The following AOX1 variants were observed in gnomAD, a reference collection of about 807,000 sequenced individuals.
The protein encoded by AOX1 is aldehyde oxidase 1, also known as aldehyde oxidase.
Under a neutral mutation model 169.5 loss-of-function variants are expected in AOX1, and 153 were observed. The ratio of observed to expected loss-of-function variants is 0.90; its 90% CI spans 0.79 to 1.03. AOX1 has a LOEUF of 1.03. Among genes scored for constraint, AOX1 ranks in the 50% least tolerant of loss-of-function variants. The pLI, the probability that AOX1 is intolerant of heterozygous loss-of-function variation, is 0.00. For missense variants in AOX1, 1,656 were observed against 1,663.9 expected, an observed-to-expected ratio of 1.00 and a Z score of 0.08; for synonymous variants, 562 against 581.9, an observed-to-expected ratio of 0.97 and a Z score of 0.49.
chr2:200,674,206 AGAG>A (rs2036064091), downstream of AOX1, among the ~76,000 whole-genome samples: 2 of 152,252 alleles, frequency 1.3e-5, no homozygotes, highest in African/African-American at 4.8e-5. Flanking sequence ...GGAAAAAGAC[AGAG>A]CTGGGTTCAC....
At chr2:200,672,063 A>G (rs1001087182), downstream of AOX1, among the ~76,000 whole-genome samples, 4 of 152,262 alleles carry the variant, frequency 2.6e-5, no homozygotes, top group Non-Finnish European at 5.9e-5. Flanking sequence ...TGCATATTAT[A>G]TGATTCCATC....
chr2:200,677,823 G>A (rs1176471649), downstream of AOX1, among the ~76,000 whole-genome samples: 4 of 152,086 alleles, frequency 2.6e-5, no homozygotes, highest in African/African-American at 7.2e-5. Context: ...TTTTAGCATC[G>A]TTGGCCAAGA....
chr2:200,623,906 G>A lies in AOX1; in HGVS notation c.2047G>A (p.Glu683Lys), dbSNP rs2034943855. The A allele has an allele frequency of 6.2e-7, 1 of 1,614,156 alleles. No individual in the cohort carries two copies. The highest frequency in any genetic ancestry group is 8.5e-7 in the Non-Finnish European group (1 of 1,179,998). ...QLVCAVLADS[E>K]VQAKRAAKRV... Reference sequence around the variant, plus strand: ...TGTCTGTGCTGTGCTTGCCGATTCTGAGGTTCAGGCAAAGCGAGCTGCTAA... The same window carrying A: ...TGTCTGTGCTGTGCTTGCCGATTCTAAGGTTCAGGCAAAGCGAGCTGCTAA... The change falls in exon 19 of 35, where the codon GAG becomes AAG. Residue 683 changes from glutamate (E) to lysine (K), a missense_variant. Physicochemically the swap from Glu to Lys is moderately conservative, Grantham distance 56 (BLOSUM62 1). Transcript: ENST00000374700.
chr2:200,654,204 C>G (rs978032253), intron 26 of AOX1, among the ~76,000 whole-genome samples: 1 of 83,910 alleles, frequency 1.2e-5, no homozygotes, highest in South Asian at 5.4e-4. Context: ...GAGACCCTGT[C>G]TCAAAAAAAA....
At chr2:200,634,728 C>A in intron 20 of AOX1, 63 bp from the exon 21 acceptor site, 1 of 1,598,682 alleles carries the variant, frequency 6.3e-7, no homozygotes, top group Non-Finnish European at 8.5e-7. Flanking sequence ...GGGATAATAC[C>A]TGGGGGACGC....
Position 200,642,726 on chromosome 2 carries a change from C to A in AOX1, c.2772C>A (p.Gly924=). Residue 924 remains glycine, a synonymous_variant, in exon 25 of 35, where the codon GGC becomes GGA. Transcript: ENST00000374700. ...LPSNTAFRGF[G]FPQAALITES... ...CCAACACAGCTTTTCGTGGGTTTGG[C>A]TTTCCTCAGGCAGCGCTGATCACCG... The A allele has an allele frequency of 1.9e-6, 3 of 1,614,146 alleles. No individual in the cohort carries two copies. The South Asian group carries it at 3.3e-5, about 18-fold the overall frequency.
chr2:200,634,331 C>A (rs1415093663), intron 20 of AOX1, among the ~76,000 whole-genome samples: 1 of 151,998 alleles, frequency 6.6e-6, no homozygotes, highest in Non-Finnish European at 1.5e-5. Context: ...CCTAGCTGGT[C>A]TGCCTTCTCT....
rs1273062026 is a variant in AOX1, at chr2:200,604,837, G to C, written c.811G>C (p.Val271Leu). 6.2e-7 allele frequency: 1 copy of C among 1,613,330 alleles called. No individual in the cohort carries two copies. Among genetic ancestry groups the C allele is most frequent in the African/African-American group, 1.3e-5 (1 of 75,012 alleles). The change falls in exon 9 of 35, where the codon GTG becomes CTG. Residue 271 changes from valine (V) to leucine (L), a missense_variant. Physicochemically the swap from Val to Leu is conservative, Grantham distance 32. Coordinates refer to ENST00000374700, the MANE Select transcript of AOX1 (RefSeq NM_001159.4). ...QAPVIMGNTSVGPEVKFKGVF... is the reference protein window; with the variant it reads ...QAPVIMGNTSLGPEVKFKGVF... Reference sequence around the variant, plus strand: ...TCCTGTTATCATGGGAAACACCTCTGTGGGTATGTAGAACCCCAGGGATTT... The same window carrying C: ...TCCTGTTATCATGGGAAACACCTCTCTGGGTATGTAGAACCCCAGGGATTT...
rs199714836 is a variant in AOX1 at position 200,623,883 on chromosome 2, T to C, written c.2024T>C (p.Val675Ala). ...TAGGTGTTCTGTGTGGGTCAGCTTG[T>C]CTGTGCTGTGCTTGCCGATTCTGAG... ...TDKVFCVGQL[V>A]CAVLADSEVQ... The change falls in exon 19 of 35, where the codon GTC (valine) becomes GCC (alanine). Residue 675 changes from valine to alanine, a missense_variant. Transcript: ENST00000374700. The C allele has an allele frequency of 1.0e-4, 167 of 1,613,898 alleles. No homozygotes were observed. Among genetic ancestry groups the C allele is most frequent in the Non-Finnish European group, 5.8e-5 (69 of 1,179,976 alleles).
chr2:200,616,092 T>C (rs1256976759), intron 16 of AOX1, 29 bp downstream of exon 16: 1 of 1,518,994 alleles, frequency 6.6e-7, no homozygotes, highest in African/African-American at 1.4e-5. Flanking sequence ...TTTTAAAAAT[T>C]CACAATCTGG....
chr2:200,654,106 A>G (rs991032504), intron 26 of AOX1, among the ~76,000 whole-genome samples: 5 of 151,710 alleles, frequency 3.3e-5, no homozygotes, highest in African/African-American at 1.2e-4. Context: ...CAAGTGAAAA[A>G]AAGAGTCACA....
In AOX1 at chr2:200,666,785, T is replaced by C. The variant is rs2287009; in HGVS notation, c.3609+33T>C. 5.8e-6 allele frequency: 9 copies of C among 1,561,800 alleles called. No homozygotes were observed. In the East Asian group the frequency reaches 2.0e-4, roughly 35 times the overall value. On this transcript the variant is annotated intron_variant, in intron 32 of 34. Coordinates refer to ENST00000374700, the MANE Select transcript of AOX1 (RefSeq NM_001159.4). Reference sequence around the variant, plus strand: ...TAACTGATGTGTCTCACTTTCTATTTGTAAAAGCCAAAAGTGCGGTGGGGT... The same window carrying C: ...TAACTGATGTGTCTCACTTTCTATTCGTAAAAGCCAAAAGTGCGGTGGGGT...
chr2:200,589,855 G>T (rs2106363289), intron 1 of AOX1, among the ~76,000 whole-genome samples: 1 of 152,284 alleles, frequency 6.6e-6, no homozygotes, highest in South Asian at 2.1e-4. Flanking sequence ...GGTTTACAAG[G>T]CTGAGAGAGG....
intron 20 of AOX1, among the ~76,000 whole-genome samples, chr2:200,633,279 TG>T (rs1262032132): frequency 6.6e-6 from 1 of 152,174 alleles, no homozygotes; most frequent in Non-Finnish European, 1.5e-5. Context: ...TTTGTGAATT[TG>T]GGGACATTTT....
At chr2:200,624,697 C>T (rs138419535) in intron 19 of AOX1, among the ~76,000 whole-genome samples, 76 of 152,304 alleles carry the variant, frequency 5.0e-4, no homozygotes, top group African/African-American at 1.6e-3. Context: ...ATTGCATTTT[C>T]TATCCTGATT....
chr2:200,586,550 G>A (rs1362319391), intron 1 of AOX1, among the ~76,000 whole-genome samples: 2 of 152,262 alleles, frequency 1.3e-5, no homozygotes, highest in Admixed American at 6.5e-5. Context: ...TACACTGAGA[G>A]CAGCCTACAG....
chr2:200,653,090 G>C (rs2035613842), intron 26 of AOX1, among the ~76,000 whole-genome samples: 1 of 152,160 alleles, frequency 6.6e-6, no homozygotes, highest in African/African-American at 2.4e-5. Context: ...TAAGGCTGGG[G>C]CTAGAACTCA....
At chr2:200,622,048 G>A (rs187757012) in intron 18 of AOX1, among the ~76,000 whole-genome samples, 10 of 152,298 alleles carry the variant, frequency 6.6e-5, no homozygotes, top group South Asian at 2.1e-4. Flanking sequence ...CACCACGCCC[G>A]GCTTAAATGG....
chr2:200,608,717 C>T (rs1422034432), intron 10 of AOX1, among the ~76,000 whole-genome samples: 3 of 113,678 alleles, frequency 2.6e-5, no homozygotes, highest in African/African-American at 3.2e-5. Context: ...TACATCACTA[C>T]CACCACCTCT....
Sources: gnomAD v4.1 joint callset for allele counts (sites outside exome capture counted in the v4.1 genomes callset) on GRCh38, gnomAD v4.1.1 for gene constraint, MANE v1.5 for transcripts, NCBI Gene and HGNC (gene_info 2026-07-23, HGNC 2026-07-21) for gene names.